CYRIA: variants seen among roughly 807,000 people sequenced by gnomAD.
The protein encoded by CYRIA is CYFIP related Rac1 interactor A, also known as CYFIP-related Rac1 interactor A.
A neutral mutation model predicts 43.9 loss-of-function variants in CYRIA; 15 were observed. That is an observed-to-expected ratio of 0.34 (90% CI 0.23 to 0.53). The LOEUF (loss-of-function observed/expected upper bound fraction) is 0.53, where lower values mean the gene tolerates loss of function less well. Ranked by LOEUF, CYRIA falls within the 20% of genes least tolerant of loss-of-function variation. The pLI, the probability that CYRIA is intolerant of heterozygous loss-of-function variation, is 0.94. For missense variants in CYRIA, 236 were observed against 394.2 expected, an observed-to-expected ratio of 0.60 and a Z score of 3.40; for synonymous variants, 117 against 136.0, an observed-to-expected ratio of 0.86 and a Z score of 0.97.
rs557824050 is a variant in CYRIA, at chr2:16,592,063, G to A, written c.-10-3934C>T. ...GGTAGAGGTAGAACAAGGACAGAGA[G>A]TACAGGTTGAGTATTCCAATTTCAA... On this transcript the variant is annotated intron_variant, in intron 2 of 11. Coordinates refer to ENST00000381323, the MANE Select transcript of CYRIA (RefSeq NM_030797.4). 1.2e-4 allele frequency among the ~76,000 whole-genome samples: 18 copies of A among 152,172 alleles called. No individual in the cohort carries two copies. The South Asian group carries it at 3.5e-3, about 30-fold the overall frequency.
rs899486287 is a variant in CYRIA, at chr2:16,650,478, G to A, written c.-167+15302C>T. ...TTCATTGGTCTCTGGGCCAGTTCCT[G>A]ATATCAGGGATGATGCAACAACAGA... On this transcript the variant is annotated intron_variant, in intron 1 of 11. Coordinates refer to ENST00000381323, the MANE Select transcript of CYRIA (RefSeq NM_030797.4). This position sits in a 1 kb window ranked among gnomAD's most constrained non-coding sequence, Gnocchi z 4.1. Among the ~76,000 whole-genome samples the A allele has an allele frequency of 2.2e-4, 33 of 152,364 alleles. No individual in the cohort carries two copies. The highest frequency in any genetic ancestry group is 7.7e-4 in the African/African-American group (32 of 41,592).
chr2:16,574,947 T>C (rs764704609), intron 3 of CYRIA, among the ~76,000 whole-genome samples: 2 of 152,120 alleles, frequency 1.3e-5, no homozygotes, highest in African/African-American at 4.8e-5. Flanking sequence ...GACCCCAGAA[T>C]GGTAGATCCA....
At chr2:16,570,468 G>C (rs1241139873) in intron 3 of CYRIA, among the ~76,000 whole-genome samples, 1 of 152,150 alleles carries the variant, frequency 6.6e-6, no homozygotes, top group Admixed American at 6.5e-5. Flanking sequence ...TAATCTGAAA[G>C]CTGTTATCAT....
chr2:16,659,756 T>C (rs1209839169), intron 1 of CYRIA, among the ~76,000 whole-genome samples: 1 of 152,208 alleles, frequency 6.6e-6, no homozygotes, highest in African/African-American at 2.4e-5. Flanking sequence ...CGAAAAATGA[T>C]TGTGCATTTA....
At chr2:16,570,320 A>G (rs1237565518) in intron 3 of CYRIA, among the ~76,000 whole-genome samples, 1 of 151,974 alleles carries the variant, frequency 6.6e-6, no homozygotes, top group East Asian at 1.9e-4. Flanking sequence ...TTGGCCATCC[A>G]CTCTTTCATT....
At chr2:16,627,003 G>A (rs1280054393) in intron 1 of CYRIA, among the ~76,000 whole-genome samples, 2 of 151,228 alleles carry the variant, frequency 1.3e-5, no homozygotes, top group African/African-American at 2.5e-5. Context: ...GCCGAAATCA[G>A]AGACAGGAGG....
chr2:16,557,638 A>G (rs902957443), intron 10 of CYRIA, among the ~76,000 whole-genome samples: 12 of 152,182 alleles, frequency 7.9e-5, no homozygotes, highest in Non-Finnish European at 1.5e-4. Flanking sequence ...AACAAACCTT[A>G]CGTAGTGCTT....
intron 2 of CYRIA, among the ~76,000 whole-genome samples, chr2:16,606,408 C>T (rs1183158820): frequency 6.6e-6 from 1 of 151,888 alleles, no homozygotes; most frequent in Non-Finnish European, 1.5e-5. Flanking sequence ...TCTCTCTCTC[C>T]TCCTCCCACT....
At chr2:16,651,180 G>T (rs550070641) in intron 1 of CYRIA, among the ~76,000 whole-genome samples, 1 of 152,094 alleles carries the variant, frequency 6.6e-6, no homozygotes, top group South Asian at 2.1e-4. Context: ...CACACCTTTG[G>T]TTTCCTACCC....
chr2:16,601,711 C>CAAAAAA (rs57235858), intron 2 of CYRIA, among the ~76,000 whole-genome samples: 5 of 123,690 alleles, frequency 4.0e-5, no homozygotes, highest in African/African-American at 1.4e-4. Context: ...TTTCCAGTTT[C>CAAAAAA]AAAAAAAAAA....
intron 1 of CYRIA, among the ~76,000 whole-genome samples, chr2:16,659,891 T>C (rs1670202834): frequency 6.6e-6 from 1 of 152,152 alleles, no homozygotes; most frequent in Admixed American, 6.5e-5. Flanking sequence ...GCATTCACTG[T>C]GGTGAAGGCT....
intron 3 of CYRIA, among the ~76,000 whole-genome samples, chr2:16,580,950 T>A (rs1185760492): frequency 1.3e-5 from 2 of 152,134 alleles, no homozygotes; most frequent in African/African-American, 4.8e-5. Flanking sequence ...ATGCAAAAAT[T>A]AGTTGAAGAT....
At chr2:16,582,009 A>G (rs1667567390) in intron 3 of CYRIA, among the ~76,000 whole-genome samples, 1 of 152,218 alleles carries the variant, frequency 6.6e-6, no homozygotes, top group Non-Finnish European at 1.5e-5. Context: ...TTAGACTTTT[A>G]CAATGTAAGT....
intron 2 of CYRIA, among the ~76,000 whole-genome samples, chr2:16,615,672 T>C (rs928362541): frequency 1.3e-5 from 2 of 152,204 alleles, no homozygotes; most frequent in African/African-American, 4.8e-5. Context: ...ATTTATGAAA[T>C]TTCCAAGGTT....
chr2:16,554,796 C>T (rs368757460), intron 11 of CYRIA, among the ~76,000 whole-genome samples: 2 of 152,252 alleles, frequency 1.3e-5, no homozygotes, highest in South Asian at 2.1e-4. Context: ...GTCCATGACC[C>T]GTGGGGTCAC....
intron 3 of CYRIA, among the ~76,000 whole-genome samples, chr2:16,573,031 C>T (rs1408124757): frequency 2.0e-5 from 3 of 152,110 alleles, no homozygotes; most frequent in Non-Finnish European, 4.4e-5. Context: ...ATATTTCATC[C>T]CTCCAGGCCC....
intron 1 of CYRIA, among the ~76,000 whole-genome samples, chr2:16,639,703 G>T (rs1351787754): frequency 6.6e-6 from 1 of 152,232 alleles, no homozygotes; most frequent in Non-Finnish European, 1.5e-5. Flanking sequence ...CCACTGGGGG[G>T]AAGAGCGTGT....
rs192113623 is a variant in CYRIA, at chr2:16,580,752, T to A, written c.70+7298A>T. ...ACTCTAAGACCTATTGTTTGTTATA[T>A]TTGGTATTAATTGGTGAGAAGGTAG... On this transcript the variant is annotated intron_variant, in intron 3 of 11. Transcript: ENST00000381323. Among the ~76,000 whole-genome samples, 22 of 152,310 alleles carry A rather than the reference T, an allele frequency of 1.4e-4. No individual in the cohort carries two copies. The East Asian group carries it at 4.2e-3, about 29-fold the overall frequency.
Position 16,549,988 on chromosome 2 carries a change from T to G in CYRIA, c.*2948A>C, listed in dbSNP as rs745884019. 1.7e-5 allele frequency: 1 copy of G among 58,166 alleles called. No homozygotes were observed. 3.6% of individuals were successfully genotyped at this position (58,166 alleles called of 1,614,324 possible). On this transcript the variant is annotated 3_prime_UTR_variant, in exon 12 of 12. Coordinates refer to ENST00000381323, the MANE Select transcript of CYRIA (RefSeq NM_030797.4). ...ATGTGAAGACATCCATTTCCAGTTG[T>G]TTTTTTTTTTTGTTATTGTTTTTTT...
Sources: gnomAD v4.1 joint callset for allele counts (sites outside exome capture counted in the v4.1 genomes callset) on GRCh38, gnomAD v4.1.1 for gene constraint, Gnocchi (gnomAD v3.1) non-coding constraint, MANE v1.5 for transcripts, NCBI Gene and HGNC (gene_info 2026-07-23, HGNC 2026-07-21) for gene names.